Variants in TTC23L observed in about 807,000 individuals in gnomAD.
TTC23L encodes the protein tetratricopeptide repeat protein 23-like.
A neutral mutation model predicts 48.1 loss-of-function variants in TTC23L; 42 were observed. The ratio of observed to expected loss-of-function variants is 0.87; its 90% CI spans 0.68 to 1.13. The LOEUF (loss-of-function observed/expected upper bound fraction) is 1.13. Ranked by LOEUF, TTC23L falls within the 50% of genes most tolerant of loss-of-function variation. TTC23L has a pLI of 0.00. For synonymous variants in TTC23L, 159 were observed against 157.2 expected (o/e 1.01, Z -0.09); for missense variants, 391 against 421.0 (o/e 0.93, Z 0.62).
chr5:34,903,778 A>G (rs1763566902), downstream of TTC23L, among the ~76,000 whole-genome samples: 1 of 152,096 alleles, frequency 6.6e-6, no homozygotes, highest in Non-Finnish European at 1.5e-5. Flanking sequence ...AACACCTGAC[A>G]TTTCTAACAG....
chr5:34,874,444 A>G (rs1192352096), intron 8 of TTC23L, among the ~76,000 whole-genome samples: 1 of 152,228 alleles, frequency 6.6e-6, no homozygotes, highest in East Asian at 1.9e-4. Flanking sequence ...TTTGTAAGTG[A>G]ACTTGGAATG....
chr5:34,859,045 CAG>C (rs1190528236), intron 4 of TTC23L, among the ~76,000 whole-genome samples: 3 of 152,176 alleles, frequency 2.0e-5, no homozygotes, highest in Non-Finnish European at 4.4e-5. Context: ...TCAAAAGCCT[CAG>C]GGACTGCCTC....
chr5:34,845,446 G>C, intron 2 of TTC23L, 41 bp from the exon 3 acceptor site: 1 of 1,573,744 alleles, frequency 6.4e-7, no homozygotes, highest in African/African-American at 1.4e-5. Flanking sequence ...TTGAGATGGA[G>C]AAGGTTAAAT....
chr5:34,911,928 A>G, the TTC23L span: 1 of 1,200,944 alleles, frequency 8.3e-7, no homozygotes, highest in South Asian at 1.5e-5. Flanking sequence ...TTTCTCACAT[A>G]TATGTATCTC....
chr5:34,903,041 T>C (rs1230604941), downstream of TTC23L, among the ~76,000 whole-genome samples: 1 of 151,950 alleles, frequency 6.6e-6, no homozygotes, highest in Admixed American at 6.6e-5. Context: ...AAAATGTTAC[T>C]ATTTTGCAAT....
chr5:34,884,199 A>G (rs911960348), intron 9 of TTC23L, among the ~76,000 whole-genome samples: 18 of 152,244 alleles, frequency 1.2e-4, no homozygotes, highest in Admixed American at 1.1e-3. Flanking sequence ...ACAAAATTCA[A>G]TACCTTTTCA....
chr5:34,860,065 T>A (rs1195882211), intron 4 of TTC23L, among the ~76,000 whole-genome samples: 2 of 151,998 alleles, frequency 1.3e-5, no homozygotes. Context: ...GCCAGGATGG[T>A]CTTGATCTCC....
chr5:34,924,765 C>T, the TTC23L span: 38 of 834,478 alleles, frequency 4.6e-5, no homozygotes, highest in East Asian at 3.5e-4. Context: ...ATTTCAGGCA[C>T]ATTTATAATG....
chr5:34,842,292 C>T (rs772987833), intron 2 of TTC23L, among the ~76,000 whole-genome samples: 6 of 151,860 alleles, frequency 4.0e-5, no homozygotes, highest in Non-Finnish European at 8.8e-5. Flanking sequence ...TTCAGACCAG[C>T]AATATTTCAT....
chr5:34,863,835 C>T lies in TTC23L; in HGVS notation c.537-602C>T, dbSNP rs915767582. On this transcript the variant is annotated intron_variant, in intron 5 of 10. Transcript: ENST00000505624. This position sits in a 1 kb window ranked among gnomAD's most constrained non-coding sequence, Gnocchi z 4.1. Reference sequence around the variant, plus strand: ...ATGAGCACTCTTTGAGCCTATGTGTCCCCAGTCTCCTCTCTACACATCCCC... The same window carrying T: ...ATGAGCACTCTTTGAGCCTATGTGTTCCCAGTCTCCTCTCTACACATCCCC... Among the ~76,000 whole-genome samples the T allele has an allele frequency of 4.6e-5, 7 of 152,126 alleles. No homozygotes were observed. The South Asian group carries it at 8.3e-4, about 18-fold the overall frequency.
the TTC23L span, chr5:34,907,064 G>A: frequency 0.88 from 133,400 of 152,198 alleles, 60,055 homozygotes; most frequent in Non-Finnish European, 0.98. Context: ...GTTATCAGGT[G>A]CTGACCCTGG....
intron 3 of TTC23L, among the ~76,000 whole-genome samples, chr5:34,845,987 A>C (rs1759091453): frequency 6.6e-6 from 1 of 152,222 alleles, no homozygotes; most frequent in Non-Finnish European, 1.5e-5. Context: ...TCTTGAGGCC[A>C]GCGTGAGTAA....
chr5:34,897,778 T>C (rs1006848911), intron 10 of TTC23L, among the ~76,000 whole-genome samples: 2 of 152,262 alleles, frequency 1.3e-5, no homozygotes, highest in Non-Finnish European at 1.5e-5. Context: ...AAGGGTGTAG[T>C]GTATACTTGC....
chr5:34,862,528 A>G (rs1435123046), intron 4 of TTC23L, among the ~76,000 whole-genome samples: 2 of 152,162 alleles, frequency 1.3e-5, no homozygotes, highest in Admixed American at 6.5e-5. Context: ...GTCACATGGC[A>G]TTAGTAGTAG....
chr5:34,840,825 G>A (rs1217188716), intron 2 of TTC23L, 86 bp downstream of exon 2: 1 of 1,269,712 alleles, frequency 7.9e-7, no homozygotes, highest in East Asian at 2.3e-5. Flanking sequence ...TGGGTGAGGA[G>A]CTTTGCATGA....
intron 3 of TTC23L, among the ~76,000 whole-genome samples, chr5:34,847,597 C>T (rs1222144335): frequency 2.0e-5 from 3 of 151,944 alleles, no homozygotes; most frequent in African/African-American, 7.3e-5. Context: ...TATTGGTTGT[C>T]CCGGTTTCTC....
At chr5:34,913,257 T>TA in the TTC23L span, among the ~76,000 whole-genome samples, 1,024 of 149,660 alleles carry the variant, frequency 6.8e-3, 19 homozygotes, top group Admixed American at 0.045. Flanking sequence ...CCTTGTAAAT[T>TA]AAAAAAAAAA....
chr5:34,906,683 T>C, the TTC23L span: 1 of 152,146 alleles, frequency 6.6e-6, no homozygotes, highest in Non-Finnish European at 1.5e-5. Flanking sequence ...AATTTAGAGC[T>C]AAATCATCAG....
At chr5:34,908,723 T>C in the TTC23L span, 2 of 1,488,670 alleles carry the variant, frequency 1.3e-6, no homozygotes, top group African/African-American at 2.8e-5. Flanking sequence ...AAGAACTTCA[T>C]CTATCATAAA....
Sources: allele counts gnomAD v4.1 joint callset (sites outside exome capture counted in the v4.1 genomes callset), GRCh38; gene constraint gnomAD v4.1.1; non-coding constraint Gnocchi (gnomAD v3.1); transcripts MANE v1.5; gene names NCBI Gene and HGNC (gene_info 2026-07-23, HGNC 2026-07-21).